TSEN34: variants seen among roughly 807,000 people sequenced by gnomAD.
TSEN34 encodes the protein tRNA-splicing endonuclease subunit Sen34.
Under a neutral mutation model 30.2 loss-of-function variants are expected in TSEN34, and 25 were observed. The ratio of observed to expected loss-of-function variants is 0.83; its 90% confidence interval spans 0.60 to 1.16. The LOEUF (loss-of-function observed/expected upper bound fraction) is 1.16, where lower values mean the gene tolerates loss of function less well. Among genes scored for constraint, TSEN34 ranks in the 50% most tolerant of loss-of-function variants. TSEN34 has a pLI of 0.00. For synonymous variants in TSEN34, 209 were observed against 177.4 expected (o/e 1.18, Z -1.41); for missense variants, 475 against 411.9 (o/e 1.15, Z -1.33).
upstream of TSEN34, chr19:54,190,595 G>T (rs532802133): frequency 1.6e-6 from 2 of 1,250,384 alleles, no homozygotes; most frequent in Non-Finnish European, 2.0e-6. Context: ...GAGGCTGCCG[G>T]GAGCCGATGA....
chr19:54,189,826 G>A (rs2076588665), upstream of TSEN34: 1 of 162,128 alleles, frequency 6.2e-6, no homozygotes, highest in Non-Finnish European at 1.4e-5. Context: ...GGAGAGCTGA[G>A]GCCACTGTGG....
chr19:54,192,459 C>G, intron 3 of TSEN34, 86 bp downstream of exon 3: 2 of 1,417,442 alleles, frequency 1.4e-6, no homozygotes, highest in Non-Finnish European at 1.9e-6. Flanking sequence ...TTTTTTTTGT[C>G]TTAATAGAGG....
chr19:54,190,354 C>G (rs1292197996), upstream of TSEN34: 2 of 1,526,814 alleles, frequency 1.3e-6, no homozygotes, highest in Non-Finnish European at 1.8e-6. Context: ...ACCTCGACTG[C>G]GAATTACTGT....
upstream of TSEN34, chr19:54,191,226 C>A: frequency 7.0e-7 from 1 of 1,433,790 alleles, no homozygotes; most frequent in South Asian, 1.5e-5. Flanking sequence ...AGGTGGTGAA[C>A]GGCGGCTGAG....
chr19:54,192,083 A>G (rs1367115402), intron 2 of TSEN34, 33 bp from the exon 3 acceptor site: 1 of 1,614,070 alleles, frequency 6.2e-7, no homozygotes, highest in Non-Finnish European at 8.5e-7. Context: ...TACCCCTTGA[A>G]TTTACCAAAC....
upstream of TSEN34, chr19:54,190,779 T>C (rs1361156160): frequency 1.8e-6 from 2 of 1,134,998 alleles, no homozygotes; most frequent in East Asian, 9.6e-5. Flanking sequence ...GGGGCAGGGT[T>C]TTGTACTGTG....
At chr19:54,190,828 G>T (rs1006729609), upstream of TSEN34, 8 of 1,064,308 alleles carry the variant, frequency 7.5e-6, no homozygotes, top group African/African-American at 1.3e-4. Context: ...CCGAATCACA[G>T]TCGTTCGGAA....
chr19:54,190,105 CG>C (rs1219219503), upstream of TSEN34: 35 of 537,172 alleles, frequency 6.5e-5, no homozygotes, highest in Non-Finnish European at 3.9e-5. Context: ...CCTACGGGAC[CG>C]GGCCAGGATG....
At chr19:54,191,289 G>T, upstream of TSEN34, 1 of 1,543,126 alleles carries the variant, frequency 6.5e-7, no homozygotes, top group Non-Finnish European at 8.7e-7. Flanking sequence ...GACCCCGGAG[G>T]CTTTGGGTGC....
In TSEN34 at chr19:54,191,494, T is replaced by C. The variant is rs1257650836; in HGVS notation, c.130T>C (p.Ser44Pro). 2 of 1,569,578 alleles carry C rather than the reference T, an allele frequency of 1.3e-6. No individual in the cohort carries two copies. The highest frequency in any genetic ancestry group is 8.6e-7 in the Non-Finnish European group (1 of 1,161,820). The change falls in exon 1 of 4, where the codon TCG becomes CCG. Residue 44 changes from serine to proline, a missense_variant. Coordinates refer to ENST00000396388, the MANE Select transcript of TSEN34 (RefSeq NM_001077446.4). ...CCTGCCCCGCGGGCCCCGCCAGAAC[T>C]CGCGCCTGGGCCTCCCGCTGCTGCT... ...GALPRGPRQNSRLGLPLLLMP... is the reference protein window; with the variant it reads ...GALPRGPRQNPRLGLPLLLMP...
intron 1 of TSEN34, 46 bp from the exon 2 acceptor site, chr19:54,191,675 T>C (rs755314806): frequency 6.2e-7 from 1 of 1,612,622 alleles, no homozygotes; most frequent in Admixed American, 1.7e-5. Flanking sequence ...TCCTGGCTTC[T>C]GAAGGGACCA....
In TSEN34 at chr19:54,194,425, A is replaced by G. The variant is rs1300061715; in HGVS notation, c.*1063A>G. The G allele has an allele frequency of 1.3e-5, 2 of 152,194 alleles. No homozygotes were observed. Among genetic ancestry groups the G allele is most frequent in the Non-Finnish European group, 2.9e-5 (2 of 68,038 alleles). 9.4% of individuals were successfully genotyped at this position (152,194 alleles called of 1,614,324 possible). A position where few individuals can be genotyped will look rare whatever the true frequency, so the allele number is the denominator to read the frequency against. Reference sequence around the variant, plus strand: ...GCAATTTTTATAAAAGCTAAAACACATGTATTTGTAAAAAATTTGCACTTA... The same window carrying G: ...GCAATTTTTATAAAAGCTAAAACACGTGTATTTGTAAAAAATTTGCACTTA... On this transcript the variant is annotated 3_prime_UTR_variant, in exon 4 of 4. Coordinates refer to ENST00000396388, the MANE Select transcript of TSEN34 (RefSeq NM_001077446.4).
chr19:54,192,220 A>T lies in TSEN34; in HGVS notation c.592A>T (p.Arg198Trp). The T allele has an allele frequency of 6.2e-7, 1 of 1,614,090 alleles. No individual in the cohort carries two copies. The highest frequency in any genetic ancestry group is 8.5e-7 in the Non-Finnish European group (1 of 1,179,996). ...ATARPRPVKARPLDWRVQSKD... is the reference protein window; with the variant it reads ...ATARPRPVKAWPLDWRVQSKD... ...TGCCAGGCCTCGACCGGTCAAGGCC[A>T]GGCCCCTGGACTGGCGTGTCCAGTC... Residue 198 changes from arginine to tryptophan, a missense_variant, in exon 3 of 4, where the codon AGG becomes TGG. Arg to Trp is a moderately radical substitution (Grantham distance 101, BLOSUM62 -3). Transcript: ENST00000396388.
chr19:54,191,819 G>A lies in TSEN34; in HGVS notation c.342G>A (p.Glu114=). The change falls in exon 2 of 4, where the codon GAG becomes GAA. Residue 114 remains glutamate, a synonymous_variant. Transcript: ENST00000396388. ...ARETRRQELL[E]KITEGQAAKK... ...AGACCCGTCGTCAGGAGCTCCTGGA[G>A]AAGATTACGGAGGGCCAGGCTGCTA... 4 of 1,614,208 alleles carry A rather than the reference G, an allele frequency of 2.5e-6. No individual in the cohort carries two copies. Among genetic ancestry groups the A allele is most frequent in the Non-Finnish European group, 3.4e-6 (4 of 1,180,040 alleles).
chr19:54,191,701 C>T lies in TSEN34; in HGVS notation c.244-20C>T, dbSNP rs1486667354. On this transcript the variant is annotated intron_variant, in intron 1 of 3. Transcript: ENST00000396388. ...GAAGGGACCATAAGCTTGGAGGTTC[C>T]AGCGAAGTGTGCTTCTCAGGCCCTG... The T allele has an allele frequency of 1.9e-6, 3 of 1,613,690 alleles. No individual in the cohort carries two copies. Among genetic ancestry groups the T allele is most frequent in the Non-Finnish European group, 1.7e-6 (2 of 1,180,024 alleles).
At chr19:54,190,086 C>T (rs1343389233), upstream of TSEN34, 5 of 532,160 alleles carry the variant, frequency 9.4e-6, no homozygotes, top group Admixed American at 1.9e-4. Flanking sequence ...CCCCGAGGGC[C>T]GGCGTGCGCC....
In TSEN34 at chr19:54,191,886, C is replaced by G; in HGVS notation, c.409C>G (p.Gln137Glu). 6.2e-7 allele frequency: 1 copy of G among 1,614,096 alleles called. No individual in the cohort carries two copies. Among genetic ancestry groups the G allele is most frequent in the South Asian group, 1.1e-5 (1 of 91,088 alleles). ...LEQASGASSS[Q>E]EAGSSQAAKE... ...ACAGGCTTCAGGGGCCAGCTCAAGCCAGGAGGCCGGCTCGAGCCAGGCTGC... is the reference window on the plus strand; with the variant it reads ...ACAGGCTTCAGGGGCCAGCTCAAGCGAGGAGGCCGGCTCGAGCCAGGCTGC... Residue 137 changes from glutamine to glutamate, a missense_variant, in exon 2 of 4, where the codon CAG becomes GAG. Transcript: ENST00000396388.
chr19:54,192,047 G>A, intron 2 of TSEN34, 69 bp from the exon 3 acceptor site: 1 of 1,614,080 alleles, frequency 6.2e-7, no homozygotes, highest in Non-Finnish European at 8.5e-7. Flanking sequence ...TCCAGTGCCT[G>A]GGTCTCCCTG....
chr19:54,191,186 CG>C (rs556950767), upstream of TSEN34: 1,671 of 1,384,346 alleles, frequency 1.2e-3, 23 homozygotes, highest in African/African-American at 0.022. Context: ...TGGGATCGCC[CG>C]GGGGCGGGGC....
Sources: allele counts gnomAD v4.1 joint callset, GRCh38; gene constraint gnomAD v4.1.1; transcripts MANE v1.5; gene names NCBI Gene and HGNC (gene_info 2026-07-23, HGNC 2026-07-21).